MICAL1: variants seen among roughly 807,000 people sequenced by gnomAD.
MICAL1 encodes [F-actin]-monooxygenase MICAL1.
MICAL1 carries 95 observed loss-of-function variants against 131.8 expected under a neutral mutation model. That is an observed-to-expected ratio of 0.72 (90% CI 0.61 to 0.86). The LOEUF (loss-of-function observed/expected upper bound fraction) is 0.86. Among genes scored for constraint, MICAL1 ranks in the 40% least tolerant of loss-of-function variants. The pLI is 0.00. For synonymous variants in MICAL1, 546 were observed against 554.2 expected, an observed-to-expected ratio of 0.99 and a Z score of 0.21; for missense variants, 1,292 against 1,380.6, an observed-to-expected ratio of 0.94 and a Z score of 1.02.
chr6:109,452,063 TG>T, intron 6 of MICAL1, 182 bp downstream of exon 6: 1 of 1,412,926 alleles, frequency 7.1e-7, no homozygotes, highest in Non-Finnish European at 9.2e-7. Flanking sequence ...TCATGCTGGG[TG>T]ATCAACTAGG....
At chr6:109,465,688 T>C in exon 1 of MICAL1, 1 of 1,597,828 alleles carries the variant, frequency 6.3e-7, no homozygotes, top group Non-Finnish European at 8.5e-7. Flanking sequence ...ACACACATCT[T>C]GCTACCTGGA....
At chr6:109,448,900 G>A (rs759428395) in intron 11 of MICAL1, 21 bp from the exon 12 acceptor site, 2 of 1,611,876 alleles carry the variant, frequency 1.2e-6, no homozygotes, top group Non-Finnish European at 1.7e-6. Context: ...AGGCTGTGCT[G>A]TGCCCAAGGC....
upstream of MICAL1, among the ~76,000 whole-genome samples, chr6:109,457,124 T>C (rs926301323): frequency 1.2e-4 from 19 of 152,102 alleles, no homozygotes; most frequent in African/African-American, 3.4e-4. Context: ...CAGTAAGACC[T>C]GAACACTCAC....
rs1221969671 is a variant in MICAL1 at position 109,445,488 on chromosome 6, G to A, written c.2715C>T (p.Asn905=). 1 of 1,614,148 alleles carries A rather than the reference G, an allele frequency of 6.2e-7. No individual in the cohort carries two copies. The highest frequency in any genetic ancestry group is 1.1e-5 in the South Asian group (1 of 91,090). Residue 905 remains asparagine (N), a synonymous_variant, in exon 21 of 25, where the codon AAC becomes AAT. Transcript: ENST00000358807. The stretch of plus-strand genomic sequence containing the variant: ...GCAGAGTCCGACGCCATGTTGGGTA[G>A]TTATTCATGGTGCCTGAGGTCTTGG... The part of the protein sequence containing the change: ...TFAKTSGTMN[N]YPTWRRTLLR...
At chr6:109,462,192 G>A (rs906072312) in intron 1 of MICAL1, among the ~76,000 whole-genome samples, 1 of 152,236 alleles carries the variant, frequency 6.6e-6, no homozygotes, top group Non-Finnish European at 1.5e-5. Context: ...AAGAGAGTAA[G>A]ACAGAGGGAA....
rs375851373 is a variant in MICAL1 at position 109,446,192 on chromosome 6, C to T, written c.2525G>A (p.Arg842His). The change falls in exon 19 of 25, where the codon CGC (arginine) becomes CAC (histidine). Residue 842 changes from arginine to histidine, a missense_variant. Coordinates refer to ENST00000358807, the MANE Select transcript of MICAL1 (RefSeq NM_022765.4). ...CACAAAGCTGCTCTCCAGGGCGTGG[C>T]GGGCCAAGGCGGAGCAGCTGCGGGG... is the stretch of plus-strand genomic sequence containing the variant. ...KPPRSCSALARHALESSFVGW... is the reference protein window; with the variant it reads ...KPPRSCSALAHHALESSFVGW... 2.6e-5 allele frequency: 42 copies of T among 1,586,930 alleles called. No homozygotes were observed. The highest frequency in any genetic ancestry group is 1.1e-4 in the South Asian group (10 of 87,814).
In MICAL1 at chr6:109,448,270, GT is replaced by G. The variant is rs1382230804; in HGVS notation, c.1787del (p.Asp596AlafsTer87). On this transcript the variant is annotated frameshift_variant, in exon 13 of 25. Transcript: ENST00000358807. LOFTEE classifies it high-confidence loss of function. ...TGAGGTAGGCAATGAGGCCCAGTGG[GT>G]CACTCCCTGCTACCACGGCCTGTGC... Reference protein sequence around the residue: ...VSAQAVVAGSDPLGLIAYLSH... With the variant: ...VSAQAVVAGSXPLGLIAYLSH... The G allele has an allele frequency of 3.1e-6, 5 of 1,613,746 alleles. No individual in the cohort carries two copies. Among genetic ancestry groups the G allele is most frequent in the African/African-American group, 1.3e-5 (1 of 74,900 alleles).
At position 109,445,782 on chromosome 6, in the gene MICAL1, C is replaced by T. The variant is rs1463416553; in HGVS notation, c.2662G>A (p.Asp888Asn). The change falls in exon 20 of 25, where the codon GAT becomes AAT. Residue 888 changes from aspartate to asparagine, a missense_variant. Transcript: ENST00000358807. ...GCTGGCCCACTCACCTGTTCCACAT[C>T]TGAGTCCAAAGGCACATCTTCTTCT... is the stretch of plus-strand genomic sequence containing the variant. ...EEEEDVPLDS[D>N]VEQALQTFAK... 1.2e-6 allele frequency: 2 copies of T among 1,611,178 alleles called. No homozygotes were observed. The highest frequency in any genetic ancestry group is 1.3e-5 in the African/African-American group (1 of 74,862).
At chr6:109,446,904 C>A in intron 17 of MICAL1, 132 bp from the exon 18 acceptor site, 1 of 1,227,632 alleles carries the variant, frequency 8.1e-7, no homozygotes, top group Non-Finnish European at 1.2e-6. Flanking sequence ...TCCTGTTCCT[C>A]AGAACCACAC....
In MICAL1 at chr6:109,452,188, C is replaced by T. The variant is rs946284274; in HGVS notation, c.832+58G>A. On this transcript the variant is annotated intron_variant, in intron 6 of 24. Transcript: ENST00000358807. ...TGAGGACAAGTTTGGAAGGGAGAGGCAGGAGCCAGGCCACAGTCAGGCAGG... is the reference window on the plus strand; with the variant it reads ...TGAGGACAAGTTTGGAAGGGAGAGGTAGGAGCCAGGCCACAGTCAGGCAGG... 2.9e-5 allele frequency: 45 copies of T among 1,561,258 alleles called. No individual in the cohort carries two copies. The African/African-American group carries it at 5.9e-4, about 20-fold the overall frequency.
intron 3 of MICAL1, 106 bp from the exon 4 acceptor site, chr6:109,453,473 A>C: frequency 1.1e-5 from 16 of 1,499,920 alleles, no homozygotes; most frequent in Non-Finnish European, 1.4e-5. Flanking sequence ...CTTAGCAATC[A>C]CTCAGCCCAA....
In MICAL1 at chr6:109,448,724, G is replaced by A. The variant is rs1775365687; in HGVS notation, c.1664+8C>T. ...CATGAGAGAGAGGTGGGTCTGCCAG[G>A]GACTCACAGCAGGCCAGGCTGCAGC... is the stretch of plus-strand genomic sequence containing the variant. On this transcript the variant is annotated splice_region_variant and intron_variant, in intron 12 of 24. Coordinates refer to ENST00000358807, the MANE Select transcript of MICAL1 (RefSeq NM_022765.4). 3 of 1,613,822 alleles carry A rather than the reference G, an allele frequency of 1.9e-6. No homozygotes were observed. The highest frequency in any genetic ancestry group is 2.5e-6 in the Non-Finnish European group (3 of 1,179,836).
At position 109,452,271 on chromosome 6, in the gene MICAL1, G is replaced by C. The variant is rs1204441106; in HGVS notation, c.807C>G (p.Phe269Leu). The C allele has an allele frequency of 3.1e-6, 5 of 1,613,994 alleles. No homozygotes were observed. The highest frequency in any genetic ancestry group is 4.2e-6 in the Non-Finnish European group (5 of 1,179,882). ...SGVARIYNQS[F>L]FQSLLKATGI... ...CTGTGGCTTTGAGAAGGCTCTGGAAGAAGCTCTGGTTGTAGATCCTGGCTA... is the reference window on the plus strand; with the variant it reads ...CTGTGGCTTTGAGAAGGCTCTGGAACAAGCTCTGGTTGTAGATCCTGGCTA... The change falls in exon 6 of 25, where the codon TTC becomes TTG. Residue 269 changes from phenylalanine to leucine, a missense_variant. Transcript: ENST00000358807.
Position 109,448,374 on chromosome 6 carries a change from C to G in MICAL1, c.1684G>C (p.Gly562Arg). 1 of 1,613,752 alleles carries G rather than the reference C, an allele frequency of 6.2e-7. No individual in the cohort carries two copies. Among genetic ancestry groups the G allele is most frequent in the South Asian group, 1.1e-5 (1 of 91,086 alleles). Reference sequence around the variant, plus strand: ...GCAGTTGCTTCCAGAGCTCCCAGCCCCTGCAGCTCTGAGGGTTCCCTGTGG... The same window carrying G: ...GCAGTTGCTTCCAGAGCTCCCAGCCGCTGCAGCTCTGAGGGTTCCCTGTGG... ...PGLLEPSELQ[G>R]LGALEATAWA... Residue 562 changes from glycine (G) to arginine (R), a missense_variant, in exon 13 of 25, where the codon GGG becomes CGG. Coordinates refer to ENST00000358807, the MANE Select transcript of MICAL1 (RefSeq NM_022765.4).
exon 1 of MICAL1, chr6:109,465,708 T>C: frequency 6.2e-7 from 1 of 1,605,916 alleles, no homozygotes; most frequent in Non-Finnish European, 8.5e-7. Context: ...ATGGAGGGCA[T>C]TATAAACATC....
chr6:109,455,974 G>T, upstream of MICAL1: 3 of 985,572 alleles, frequency 3.0e-6, no homozygotes, highest in Non-Finnish European at 3.6e-6. This position sits in a 1 kb window ranked among gnomAD's most constrained non-coding sequence, Gnocchi z 4.7. Context: ...GCCTCCAGCG[G>T]GGACAGTCTT....
Position 109,450,496 on chromosome 6 carries a change from C to T in MICAL1, c.995G>A (p.Arg332His), listed in dbSNP as rs567220238. The T allele has an allele frequency of 2.0e-5, 33 of 1,613,148 alleles. No homozygotes were observed. The highest frequency in any genetic ancestry group is 8.0e-5 in the African/African-American group (6 of 75,046). ...SANVVPEALQ[R>H]FTRAAADFAT... ...AAAGTCAGCAGCTGCCCGGGTAAAG[C>T]GCTGCAGAGCCTCGGGCACCACATT... The change falls in exon 8 of 25, where the codon CGC (arginine) becomes CAC (histidine). Residue 332 changes from arginine to histidine, a missense_variant. Transcript: ENST00000358807.
chr6:109,449,383 G>A lies in MICAL1; in HGVS notation c.1516+17C>T, dbSNP rs1775409792. ...AGTACATATTTTGGTCACCCCTTGG[G>A]AGGAAGGCCTGCTCACCGGTGGCTG... On this transcript the variant is annotated intron_variant, in intron 11 of 24. Transcript: ENST00000358807. The A allele has an allele frequency of 6.2e-7, 1 of 1,614,148 alleles. No individual in the cohort carries two copies. Among genetic ancestry groups the A allele is most frequent in the Non-Finnish European group, 8.5e-7 (1 of 1,179,980 alleles).
At chr6:109,456,090 C>T (rs1027999109), upstream of MICAL1, 1 of 928,920 alleles carries the variant, frequency 1.1e-6, no homozygotes. Flanking sequence ...GGCTGAGGAG[C>T]TCGAGGGTCA....
Sources: gnomAD v4.1 joint callset for allele counts (sites outside exome capture counted in the v4.1 genomes callset) on GRCh38, gnomAD v4.1.1 for gene constraint, Gnocchi (gnomAD v3.1) non-coding constraint, MANE v1.5 for transcripts, NCBI Gene and HGNC (gene_info 2026-07-23, HGNC 2026-07-21) for gene names.